Variants in ITFG1 observed in about 807,000 individuals in gnomAD.
The protein encoded by ITFG1 is T-cell immunomodulatory protein.
Under a neutral mutation model 81.8 loss-of-function variants are expected in ITFG1, and 34 were observed. That is an observed-to-expected ratio of 0.42 (90% CI 0.32 to 0.55). ITFG1 has a LOEUF of 0.55. Ranked by LOEUF, ITFG1 falls within the 20% of genes least tolerant of loss-of-function variation. The probability of loss-of-function intolerance (pLI) is 0.17; values close to 1 mark genes in which losing one functional copy is unlikely to be tolerated. For missense variants in ITFG1, 672 were observed against 755.4 expected, an observed-to-expected ratio of 0.89 and a Z score of 1.29; for synonymous variants, 285 against 270.6, an observed-to-expected ratio of 1.05 and a Z score of -0.52.
chr16:47,262,308 A>T (rs1231208942), intron 10 of ITFG1, among the ~76,000 whole-genome samples: 1 of 152,236 alleles, frequency 6.6e-6, no homozygotes, highest in Non-Finnish European at 1.5e-5. Context: ...TTTGTCCACT[A>T]GAAAGAATAA....
intron 12 of ITFG1, among the ~76,000 whole-genome samples, chr16:47,241,404 A>G (rs998814889): frequency 6.6e-6 from 1 of 152,264 alleles, no homozygotes; most frequent in African/African-American, 2.4e-5. Flanking sequence ...CCAAATGTCC[A>G]TCAAATGATG....
Position 47,281,785 on chromosome 16 carries a change from T to A in ITFG1, c.1071-21090A>T, listed in dbSNP as rs1966453977. 2.6e-5 allele frequency among the ~76,000 whole-genome samples: 4 copies of A among 152,086 alleles called. No individual in the cohort carries two copies. In the South Asian group the frequency reaches 8.3e-4, roughly 32 times the overall value. On this transcript the variant is annotated intron_variant, in intron 10 of 17. Coordinates refer to ENST00000320640, the MANE Select transcript of ITFG1 (RefSeq NM_030790.5). ...CCTCTCTTTTTTTTTGTCAGTCTTG[T>A]TAGAGGTTTAACGATTTTGTTGATA... is the stretch of plus-strand genomic sequence containing the variant.
chr16:47,196,065 T>C (rs1197356822), intron 14 of ITFG1, among the ~76,000 whole-genome samples: 1 of 152,256 alleles, frequency 6.6e-6, no homozygotes, highest in South Asian at 2.1e-4. Context: ...ATTTTCTTTT[T>C]ACTTGCATGC....
chr16:47,278,370 C>T (rs1277247668), intron 10 of ITFG1, among the ~76,000 whole-genome samples: 1 of 152,156 alleles, frequency 6.6e-6, no homozygotes, highest in Non-Finnish European at 1.5e-5. Flanking sequence ...TTGGAAGACG[C>T]CATTTACAAA....
intron 8 of ITFG1, among the ~76,000 whole-genome samples, chr16:47,322,083 C>T (rs1169603254): frequency 1.3e-5 from 2 of 152,124 alleles, no homozygotes; most frequent in Non-Finnish European, 2.9e-5. Flanking sequence ...TTTTAAAGTT[C>T]TGCACATATA....
chr16:47,203,910 A>T (rs1230795396), intron 14 of ITFG1, among the ~76,000 whole-genome samples: 1 of 152,196 alleles, frequency 6.6e-6, no homozygotes, highest in Non-Finnish European at 1.5e-5. Flanking sequence ...TAATGGGTAC[A>T]GAGTTTCAAG....
intron 12 of ITFG1, among the ~76,000 whole-genome samples, chr16:47,241,427 A>G (rs1965932421): frequency 6.6e-6 from 1 of 152,258 alleles, no homozygotes; most frequent in Admixed American, 6.5e-5. Context: ...TGGATAAACA[A>G]AATCTGGAAT....
At chr16:47,393,949 G>A (rs1012821239) in intron 6 of ITFG1, among the ~76,000 whole-genome samples, 1 of 152,074 alleles carries the variant, frequency 6.6e-6, no homozygotes, top group Non-Finnish European at 1.5e-5. Context: ...TTGGTCAACA[G>A]AATAGGTTAG....
chr16:47,374,290 A>C (rs1385337477), intron 7 of ITFG1, among the ~76,000 whole-genome samples: 2 of 152,204 alleles, frequency 1.3e-5, no homozygotes, highest in African/African-American at 4.8e-5. Flanking sequence ...TAAGAAGAAA[A>C]ACCCTTAGTC....
chr16:47,299,434 AG>A (rs869218847), intron 10 of ITFG1: 1 of 86,168 alleles, frequency 1.2e-5, no homozygotes, highest in Non-Finnish European at 3.1e-5. Flanking sequence ...GGTGGGAAAT[AG>A]GGGGGAAAGC....
At chr16:47,254,046 T>C (rs914562692) in intron 12 of ITFG1, among the ~76,000 whole-genome samples, 8 of 152,052 alleles carry the variant, frequency 5.3e-5, no homozygotes, top group African/African-American at 1.9e-4. Flanking sequence ...AATATGCACA[T>C]TTTGACTTGA....
chr16:47,221,631 T>C (rs1332048274), intron 13 of ITFG1, among the ~76,000 whole-genome samples: 2 of 152,218 alleles, frequency 1.3e-5, no homozygotes, highest in African/African-American at 2.4e-5. Flanking sequence ...TCTTTTTCTA[T>C]TGACTAGAAT....
intron 14 of ITFG1, chr16:47,218,156 C>A (rs148489738): frequency 6.6e-6 from 1 of 151,416 alleles, no homozygotes; most frequent in African/African-American, 2.4e-5. Flanking sequence ...TCTTTTTTGG[C>A]CAAAAAAATA....
At chr16:47,284,494 T>A (rs1157508240) in intron 10 of ITFG1, among the ~76,000 whole-genome samples, 2 of 152,168 alleles carry the variant, frequency 1.3e-5, no homozygotes, top group African/African-American at 4.8e-5. Flanking sequence ...TGTTTTGCAG[T>A]TATAATATAC....
chr16:47,192,328 T>A (rs1270095461), intron 14 of ITFG1, among the ~76,000 whole-genome samples: 1 of 152,224 alleles, frequency 6.6e-6, no homozygotes, highest in Non-Finnish European at 1.5e-5. Context: ...CAGCTGTAGA[T>A]GTCAGAGACG....
intron 10 of ITFG1, among the ~76,000 whole-genome samples, chr16:47,265,451 C>A (rs2030529507): frequency 6.6e-6 from 1 of 151,882 alleles, no homozygotes; most frequent in African/African-American, 2.4e-5. Context: ...CAAAAACCAA[C>A]ATAGTATGGT....
chr16:47,240,151 G>C (rs1282438900), intron 12 of ITFG1, among the ~76,000 whole-genome samples: 1 of 149,988 alleles, frequency 6.7e-6, no homozygotes, highest in Non-Finnish European at 1.5e-5. Context: ...AAAAAAATTA[G>C]CCAGATGTGG....
At chr16:47,195,062 C>G (rs1965341060) in intron 14 of ITFG1, among the ~76,000 whole-genome samples, 1 of 152,154 alleles carries the variant, frequency 6.6e-6, no homozygotes, top group Admixed American at 6.5e-5. Flanking sequence ...TTAACAATTT[C>G]TATTTATTCT....
intron 10 of ITFG1, chr16:47,263,367 T>C: frequency 2.1e-6 from 1 of 480,296 alleles, no homozygotes; most frequent in African/African-American, 2.0e-5. Context: ...TACCAAGCCA[T>C]CTACCAAGCC....
Sources: allele counts gnomAD v4.1 joint callset (sites outside exome capture counted in the v4.1 genomes callset), GRCh38; gene constraint gnomAD v4.1.1; transcripts MANE v1.5; gene names NCBI Gene and HGNC (gene_info 2026-07-23, HGNC 2026-07-21).